Variants in RASA1 observed in about 807,000 individuals in gnomAD.
RASA1 encodes RAS p21 protein activator 1.
A neutral mutation model predicts 132.2 loss-of-function variants in RASA1; 25 were observed. The ratio of observed to expected loss-of-function variants is 0.19; its 90% CI spans 0.14 to 0.26. The LOEUF is 0.26. Ranked by LOEUF, RASA1 falls within the 10% of genes least tolerant of loss-of-function variation. The pLI, the probability that RASA1 is intolerant of heterozygous loss-of-function variation, is 1.00. For missense variants in RASA1, 964 were observed against 1,299.2 expected, an observed-to-expected ratio of 0.74 and a Z score of 3.97; for synonymous variants, 477 against 449.9, an observed-to-expected ratio of 1.06 and a Z score of -0.76.
intron 6 of RASA1, 91 bp from the exon 7 acceptor site, chr5:87,346,581 A>G: frequency 1.3e-6 from 1 of 744,172 alleles, no homozygotes; most frequent in Non-Finnish European, 2.2e-6. Context: ...ATCACTTTGA[A>G]TTAAACTTAC....
At chr5:87,321,985 CTA>C (rs1756850598) in intron 1 of RASA1, among the ~76,000 whole-genome samples, 1 of 152,118 alleles carries the variant, frequency 6.6e-6, no homozygotes, top group South Asian at 2.1e-4. Context: ...TAATAAAAGA[CTA>C]TAACAAGGGT....
chr5:87,390,930 G>T lies in RASA1; in HGVS notation c.*47G>T, dbSNP rs199767239. 6.5e-7 allele frequency: 1 copy of T among 1,531,324 alleles called. No homozygotes were observed. Among genetic ancestry groups the T allele is most frequent in the African/African-American group, 1.4e-5 (1 of 73,044 alleles). 94.9% of individuals were successfully genotyped at this position (1,531,324 alleles called of 1,614,324 possible). ...GCATGGATTCAGCATGTCCAACATG[G>T]TAATTCACTTCAGTTTAATGTCTCC... On this transcript the variant is annotated 3_prime_UTR_variant, in exon 25 of 25. Transcript: ENST00000274376.
chr5:87,304,939 CTT>C (rs756572506), intron 1 of RASA1, among the ~76,000 whole-genome samples: 21 of 64,406 alleles, frequency 3.3e-4, no homozygotes, highest in Non-Finnish European at 5.2e-4. Flanking sequence ...TCTTTTAGTC[CTT>C]TTTTTTTTTT....
At chr5:87,346,553 A>T in intron 6 of RASA1, 119 bp from the exon 7 acceptor site, 2 of 566,132 alleles carry the variant, frequency 3.5e-6, no homozygotes, top group African/African-American at 1.9e-5. Context: ...AGATGATTTG[A>T]TTAATTGCAT....
chr5:87,282,451 C>T (rs1305171819), intron 1 of RASA1, among the ~76,000 whole-genome samples: 2 of 152,148 alleles, frequency 1.3e-5, no homozygotes, highest in East Asian at 1.9e-4. Context: ...TTGGTGTTCC[C>T]CTATAAGGTA....
chr5:87,347,199 G>A (rs566754490), intron 7 of RASA1, among the ~76,000 whole-genome samples: 3 of 151,944 alleles, frequency 2.0e-5, no homozygotes, highest in Non-Finnish European at 2.9e-5. Context: ...GAACGATATT[G>A]TATTGTTTTT....
In RASA1 at chr5:87,362,589, G is replaced by A. The variant is rs140707293; in HGVS notation, c.1371G>A (p.Lys457=). 3.4e-4 allele frequency: 545 copies of A among 1,596,990 alleles called. No homozygotes were observed. The African/African-American group carries it at 6.6e-3, about 19-fold the overall frequency. ...TACTCAATGACACAGTGGATGGCAAGGAAATCTATAATACCATCCGTCGTA... is the reference window on the plus strand; with the variant it reads ...TACTCAATGACACAGTGGATGGCAAAGAAATCTATAATACCATCCGTCGTA... The part of the protein sequence containing the change: ...EQVLNDTVDG[K]EIYNTIRRKT... Residue 457 remains lysine, a synonymous_variant, in exon 10 of 25, where the codon AAG becomes AAA. Coordinates refer to ENST00000274376, the MANE Select transcript of RASA1 (RefSeq NM_002890.3).
At chr5:87,357,704 C>CAA (rs5869396) in intron 9 of RASA1, among the ~76,000 whole-genome samples, 7 of 150,002 alleles carry the variant, frequency 4.7e-5, no homozygotes, top group South Asian at 2.1e-4. Context: ...GATTCCATCT[C>CAA]AAAAAAAAAG....
At chr5:87,363,305 AC>A in intron 10 of RASA1, 42 bp from the exon 11 acceptor site, 1 of 1,494,658 alleles carries the variant, frequency 6.7e-7, no homozygotes, top group Non-Finnish European at 9.3e-7. Flanking sequence ...GTAGGATTTC[AC>A]AATTGTTTGG....
At chr5:87,292,576 T>A (rs1754955111) in intron 1 of RASA1, among the ~76,000 whole-genome samples, 1 of 152,196 alleles carries the variant, frequency 6.6e-6, no homozygotes, top group Non-Finnish European at 1.5e-5. Context: ...AGCATTATAA[T>A]AAGTCTAGTA....
intron 18 of RASA1, among the ~76,000 whole-genome samples, chr5:87,379,373 A>G (rs1761547904): frequency 6.6e-6 from 1 of 152,206 alleles, no homozygotes; most frequent in South Asian, 2.1e-4. Context: ...GAAGGGTTAC[A>G]GGAAAAGTTC....
chr5:87,272,397 G>A (rs1753885124), intron 1 of RASA1, among the ~76,000 whole-genome samples: 1 of 152,156 alleles, frequency 6.6e-6, no homozygotes, highest in Non-Finnish European at 1.5e-5. Context: ...ATGCAGTGTA[G>A]TGGTTAAGCG....
chr5:87,268,616 C>T lies in RASA1; in HGVS notation c.165C>T (p.Thr55=), dbSNP rs1449116928. Residue 55 remains threonine (T), a synonymous_variant, in exon 1 of 25, where the codon ACC becomes ACT. Transcript: ENST00000274376. ...CCCCCTATCCTGGGCTGGTGGAGAC[C>T]GGAGTGGCTGGAACTCTGGGTGGCG... ...AAAPYPGLVE[T]GVAGTLGGGA... is the part of the protein sequence containing the mutation. The T allele has an allele frequency of 2.5e-6, 4 of 1,611,982 alleles. No individual in the cohort carries two copies. Among genetic ancestry groups the T allele is most frequent in the Admixed American group, 1.7e-5 (1 of 59,764 alleles).
chr5:87,312,443 T>A (rs529166859), intron 1 of RASA1, among the ~76,000 whole-genome samples: 158 of 152,356 alleles, frequency 1.0e-3, no homozygotes, highest in Non-Finnish European at 1.9e-3. Context: ...GTGTAATTTT[T>A]AAATTAATTT....
At chr5:87,354,498 T>G (rs1460396598) in intron 9 of RASA1, among the ~76,000 whole-genome samples, 2 of 152,196 alleles carry the variant, frequency 1.3e-5, no homozygotes, top group Non-Finnish European at 2.9e-5. Flanking sequence ...GCAAGCTTAA[T>G]CGATAAATGT....
At chr5:87,346,435 A>G (rs1312378560) in intron 6 of RASA1, among the ~76,000 whole-genome samples, 2 of 151,918 alleles carry the variant, frequency 1.3e-5, no homozygotes, top group African/African-American at 2.4e-5. Flanking sequence ...CCATTTTTGT[A>G]TTGGTAATGA....
intron 16 of RASA1, 114 bp downstream of exon 16, chr5:87,376,679 G>T: frequency 7.4e-7 from 1 of 1,353,686 alleles, no homozygotes; most frequent in East Asian, 2.5e-5. Context: ...GCACAATGAT[G>T]CCAGAGATTT....
At chr5:87,283,774 C>G (rs954531349) in intron 1 of RASA1, among the ~76,000 whole-genome samples, 2 of 152,092 alleles carry the variant, frequency 1.3e-5, no homozygotes, top group Non-Finnish European at 2.9e-5. Flanking sequence ...TACATTCCCA[C>G]TTCTGTTTTT....
Position 87,305,146 on chromosome 5 carries a change from ATC to A in RASA1, c.540-26200_540-26199del, listed in dbSNP as rs142117066. Among the ~76,000 whole-genome samples the A allele has an allele frequency of 7.5e-3, 1,146 of 152,028 alleles. 21 individuals carry two copies. The highest frequency in any genetic ancestry group is 0.027 in the African/African-American group (1,102 of 41,488). ...GTTGCAAAGTTAGCAAAAATTTTTT[ATC>A]TGTTTCTTTGAATATAATGTCTTTC... On this transcript the variant is annotated intron_variant, in intron 1 of 24. Coordinates refer to ENST00000274376, the MANE Select transcript of RASA1 (RefSeq NM_002890.3).
Sources: gnomAD v4.1 joint callset for allele counts (sites outside exome capture counted in the v4.1 genomes callset) on GRCh38, gnomAD v4.1.1 for gene constraint, MANE v1.5 for transcripts, NCBI Gene and HGNC (gene_info 2026-07-23, HGNC 2026-07-21) for gene names.